The following PLXDC2 variants were observed in gnomAD, a reference collection of about 807,000 sequenced individuals.
PLXDC2 encodes plexin domain containing 2.
A neutral mutation model predicts 68.9 loss-of-function variants in PLXDC2; 40 were observed. The ratio of observed to expected loss-of-function variants is 0.58; its 90% CI spans 0.45 to 0.76. The LOEUF is 0.76. Among genes scored for constraint, PLXDC2 ranks in the 30% least tolerant of loss-of-function variants. PLXDC2 has a pLI of 0.00. For missense variants in PLXDC2, 644 were observed against 661.9 expected (o/e 0.97, Z 0.30); for synonymous variants, 243 against 234.2 (o/e 1.04, Z -0.34).
intron 10 of PLXDC2, among the ~76,000 whole-genome samples, chr10:20,212,602 C>T (rs979900120): frequency 6.6e-6 from 1 of 152,082 alleles, no homozygotes; most frequent in Non-Finnish European, 1.5e-5. Flanking sequence ...CAAAGCAAGC[C>T]ATGCCAAAAT....
At chr10:19,950,105 C>G (rs968073114) in intron 1 of PLXDC2, among the ~76,000 whole-genome samples, 1 of 152,118 alleles carries the variant, frequency 6.6e-6, no homozygotes, top group African/African-American at 2.4e-5. Context: ...AGAACTGGAA[C>G]AAGACAAGGA....
intron 1 of PLXDC2, among the ~76,000 whole-genome samples, chr10:19,873,254 G>A (rs945973537): frequency 1.3e-5 from 2 of 152,132 alleles, no homozygotes; most frequent in African/African-American, 4.8e-5. Flanking sequence ...TGGGATGCTG[G>A]CTGATTCCAT....
chr10:20,117,445 A>G lies in PLXDC2; in HGVS notation c.542-25850A>G, dbSNP rs186353733. Among the ~76,000 whole-genome samples the G allele has an allele frequency of 7.2e-5, 11 of 152,270 alleles. No homozygotes were observed. The East Asian group carries it at 1.9e-3, about 27-fold the overall frequency. The stretch of plus-strand genomic sequence containing the variant: ...TGTGTGAGTGCACATGTATACTGAC[A>G]AAATTTATATGAGAGAACAAAGGAA... On this transcript the variant is annotated intron_variant, in intron 4 of 13. Transcript: ENST00000377252.
At chr10:20,141,229 G>C (rs1834003136) in intron 4 of PLXDC2, among the ~76,000 whole-genome samples, 1 of 151,980 alleles carries the variant, frequency 6.6e-6, no homozygotes, top group African/African-American at 2.4e-5. Flanking sequence ...TTGAGAGTGG[G>C]AGCAGTTTCT....
intron 4 of PLXDC2, among the ~76,000 whole-genome samples, chr10:20,092,561 AT>A (rs1833294418): frequency 6.6e-6 from 1 of 152,116 alleles, no homozygotes; most frequent in Non-Finnish European, 1.5e-5. Flanking sequence ...ACAGAAGTTG[AT>A]TGTTGACAAG....
In PLXDC2 at chr10:20,012,306, TTTTA is replaced by T. The variant is rs1431611066; in HGVS notation, c.324+10324_324+10327del. 1.9e-4 allele frequency among the ~76,000 whole-genome samples: 2 copies of T among 10,782 alleles called. 1 individual carries two copies. The highest frequency in any genetic ancestry group is 4.1e-4 in the African/African-American group (2 of 4,872). The allele number at this position is 10,782 out of a possible 152,430, so 7.1% of individuals were successfully genotyped here. On this transcript the variant is annotated intron_variant, in intron 2 of 13. Transcript: ENST00000377252. ...AAGAGTCTCTCTCTCTCTCTCTCTT[TTTTA>T]TTTTTTTTTTTTTTTTTTTTTTTTG... is the stretch of plus-strand genomic sequence containing the variant.
intron 1 of PLXDC2, among the ~76,000 whole-genome samples, chr10:19,820,674 CT>C (rs1836450099): frequency 6.6e-6 from 1 of 151,690 alleles, no homozygotes; most frequent in African/African-American, 2.4e-5. Context: ...AATATGTGTC[CT>C]TATCAATTAG....
chr10:20,004,894 G>A (rs1183369294), intron 2 of PLXDC2, among the ~76,000 whole-genome samples: 4 of 152,144 alleles, frequency 2.6e-5, no homozygotes, highest in African/African-American at 9.7e-5. Context: ...CAGAAGGATG[G>A]CCCAGGGGAC....
At chr10:20,072,518 A>G (rs1283522822) in intron 4 of PLXDC2, among the ~76,000 whole-genome samples, 6 of 100,766 alleles carry the variant, frequency 6.0e-5, no homozygotes, top group African/African-American at 4.8e-4. Context: ...AAAGAAAGAA[A>G]GAAAGAAAGA....
chr10:19,974,478 C>A (rs1233281173), intron 1 of PLXDC2, among the ~76,000 whole-genome samples: 1 of 152,186 alleles, frequency 6.6e-6, no homozygotes, highest in Admixed American at 6.5e-5. Context: ...GGACTCTTAG[C>A]TCAGAGGAAG....
chr10:20,063,869 T>C (rs1453337453), intron 3 of PLXDC2, among the ~76,000 whole-genome samples: 1 of 152,182 alleles, frequency 6.6e-6, no homozygotes, highest in African/African-American at 2.4e-5. Flanking sequence ...CTTCAAAAAA[T>C]GTTTCATAAA....
rs1242936686 is a variant in PLXDC2 at position 20,283,311 on chromosome 10, A to ATT, written c.*3496_*3497dup. 6.6e-6 allele frequency: 1 copy of ATT among 152,180 alleles called. No individual in the cohort carries two copies. Among genetic ancestry groups the ATT allele is most frequent in the Non-Finnish European group, 1.5e-5 (1 of 68,034 alleles). 9.4% of individuals were successfully genotyped at this position (152,180 alleles called of 1,614,324 possible). The stretch of plus-strand genomic sequence containing the variant: ...TTTGCAATTTTGGAAAAGAAAAACA[A>ATT]TTTTTGTCCTGTCTTTCTTGCAAGA... On this transcript the variant is annotated 3_prime_UTR_variant, in exon 14 of 14. Transcript: ENST00000377252.
At chr10:20,018,880 A>G (rs977623512) in intron 2 of PLXDC2, among the ~76,000 whole-genome samples, 1 of 152,220 alleles carries the variant, frequency 6.6e-6, no homozygotes, top group African/African-American at 2.4e-5. Flanking sequence ...GGATCATATG[A>G]ACACCACATA....
intron 6 of PLXDC2, among the ~76,000 whole-genome samples, chr10:20,149,229 C>CTTTTTTTTTTTTTTTTTTTTTTT (rs71200986): frequency 2.0e-4 from 7 of 34,926 alleles, no homozygotes; most frequent in African/African-American, 4.8e-4. Flanking sequence ...TTTTTCTTTT[C>CTTTTTTTTTTTTTTTTTTTTTTT]TTTTTTTTTT....
At chr10:19,822,890 A>G (rs530558195) in intron 1 of PLXDC2, among the ~76,000 whole-genome samples, 1 of 151,822 alleles carries the variant, frequency 6.6e-6, no homozygotes, top group East Asian at 1.9e-4. Context: ...CTATTTTCCT[A>G]TACTGCTAGT....
intron 12 of PLXDC2, among the ~76,000 whole-genome samples, chr10:20,238,679 A>ATATATATATATATACACACATATATATG (rs1554777567): frequency 7.8e-6 from 1 of 128,406 alleles, no homozygotes; most frequent in Non-Finnish European, 1.6e-5. Context: ...ATATATATGT[A>ATATATATATATATACACACATATATATG]TATATATATA....
intron 1 of PLXDC2, among the ~76,000 whole-genome samples, chr10:19,834,564 A>G (rs529296059): frequency 1.3e-5 from 2 of 152,366 alleles, no homozygotes. Context: ...TGTTAATATT[A>G]TCAGACATTA....
chr10:20,136,728 T>G (rs1425829161), intron 4 of PLXDC2, among the ~76,000 whole-genome samples: 2 of 152,230 alleles, frequency 1.3e-5, no homozygotes, highest in East Asian at 3.8e-4. Context: ...AAGACAGCAT[T>G]AAACTACAAA....
At chr10:20,052,081 C>T (rs1311378140) in intron 3 of PLXDC2, among the ~76,000 whole-genome samples, 1 of 151,912 alleles carries the variant, frequency 6.6e-6, no homozygotes, top group Non-Finnish European at 1.5e-5. Flanking sequence ...CACTGACACA[C>T]ACTTCCATTT....
Sources: gnomAD v4.1 joint callset for allele counts (sites outside exome capture counted in the v4.1 genomes callset) on GRCh38, gnomAD v4.1.1 for gene constraint, MANE v1.5 for transcripts, NCBI Gene and HGNC (gene_info 2026-07-23, HGNC 2026-07-21) for gene names.